Variants in ADAMTS16 observed in about 807,000 individuals in gnomAD.
ADAMTS16 encodes the protein A disintegrin and metalloproteinase with thrombospondin motifs 16.
A neutral mutation model predicts 145.8 loss-of-function variants in ADAMTS16; 94 were observed. That is an observed-to-expected ratio of 0.64 (90% CI 0.55 to 0.77). The LOEUF (loss-of-function observed/expected upper bound fraction) is 0.77. Ranked by LOEUF, ADAMTS16 falls within the 30% of genes least tolerant of loss-of-function variation. The pLI is 0.00. For missense variants in ADAMTS16, 1,585 were observed against 1,591.5 expected (o/e 1.00, Z 0.07); for synonymous variants, 659 against 604.3 (o/e 1.09, Z -1.33).
intron 17 of ADAMTS16, among the ~76,000 whole-genome samples, chr5:5,246,762 G>A (rs187631678): frequency 2.0e-3 from 312 of 152,270 alleles, no homozygotes; most frequent in Middle Eastern, 3.4e-3. Flanking sequence ...CGAGTACTTC[G>A]ATCCAGTGAT....
At chr5:5,283,766 C>T (rs1420819325) in intron 18 of ADAMTS16, among the ~76,000 whole-genome samples, 2 of 152,176 alleles carry the variant, frequency 1.3e-5, no homozygotes, top group African/African-American at 4.8e-5. Flanking sequence ...GCAGTCATGA[C>T]TTTATATTTG....
intron 18 of ADAMTS16, among the ~76,000 whole-genome samples, chr5:5,263,879 T>G (rs574298909): frequency 1.3e-5 from 2 of 152,244 alleles, no homozygotes; most frequent in African/African-American, 4.8e-5. Context: ...CCCGAGCTCT[T>G]GTCCACCATC....
chr5:5,301,162 C>G (rs577725837), intron 18 of ADAMTS16, among the ~76,000 whole-genome samples: 3 of 152,160 alleles, frequency 2.0e-5, no homozygotes, highest in Non-Finnish European at 4.4e-5. Flanking sequence ...GCCTTGACTT[C>G]CTGGGCTCAA....
chr5:5,145,978 TTGAA>T, intron 2 of ADAMTS16, 148 bp from the exon 3 acceptor site: 1 of 667,792 alleles, frequency 1.5e-6, no homozygotes, highest in South Asian at 2.0e-5. Context: ...ATTGCACACT[TTGAA>T]TTCAGTATGG....
At chr5:5,213,831 C>T (rs1736341425) in intron 10 of ADAMTS16, among the ~76,000 whole-genome samples, 2 of 152,176 alleles carry the variant, frequency 1.3e-5, no homozygotes, top group African/African-American at 2.4e-5. Flanking sequence ...CAGCTGTGGT[C>T]CTCTGCTAGG....
At chr5:5,315,450 C>CG (rs777572767) in intron 21 of ADAMTS16, among the ~76,000 whole-genome samples, 3 of 147,350 alleles carry the variant, frequency 2.0e-5, no homozygotes, top group Non-Finnish European at 4.5e-5. Context: ...TTAAATGATA[C>CG]AAAAAAAAAA....
At chr5:5,234,546 G>A (rs1474147870) in intron 12 of ADAMTS16, among the ~76,000 whole-genome samples, 1 of 152,144 alleles carries the variant, frequency 6.6e-6, no homozygotes, top group African/African-American at 2.4e-5. Flanking sequence ...CTTACCATTC[G>A]TGTGTAAGAA....
chr5:5,254,546 G>A (rs1276833103), intron 17 of ADAMTS16, among the ~76,000 whole-genome samples: 1 of 151,970 alleles, frequency 6.6e-6, no homozygotes, highest in African/African-American at 2.4e-5. Context: ...CAAATATTCA[G>A]ATATATTGAT....
At chr5:5,290,914 G>C (rs1358875129) in intron 18 of ADAMTS16, among the ~76,000 whole-genome samples, 1 of 152,070 alleles carries the variant, frequency 6.6e-6, no homozygotes, top group African/African-American at 2.4e-5. Context: ...ACCTGTGCGG[G>C]CTCTTCGGGC....
intron 18 of ADAMTS16, among the ~76,000 whole-genome samples, chr5:5,292,026 G>A (rs1739342174): frequency 6.6e-6 from 1 of 152,168 alleles, no homozygotes; most frequent in African/African-American, 2.4e-5. Context: ...AAATTATAAA[G>A]CATAAATTCT....
intron 3 of ADAMTS16, among the ~76,000 whole-genome samples, chr5:5,168,931 C>T (rs568081918): frequency 8.6e-5 from 13 of 151,038 alleles, no homozygotes; most frequent in Non-Finnish European, 1.3e-4. Flanking sequence ...CCCTGAGCCC[C>T]GGATTCCTCT....
At chr5:5,149,000 C>T (rs183744660) in intron 3 of ADAMTS16, among the ~76,000 whole-genome samples, 17 of 152,236 alleles carry the variant, frequency 1.1e-4, no homozygotes, top group Admixed American at 1.1e-3. Flanking sequence ...AAAGTTAGAA[C>T]GTGATGCCCA....
intron 18 of ADAMTS16, among the ~76,000 whole-genome samples, chr5:5,286,172 C>G (rs146951458): frequency 6.6e-6 from 1 of 152,152 alleles, no homozygotes; most frequent in Admixed American, 6.5e-5. Flanking sequence ...TTCTCTACCC[C>G]CAACTCATTG....
intron 8 of ADAMTS16, among the ~76,000 whole-genome samples, chr5:5,195,608 T>C (rs16874994): frequency 0.16 from 23,816 of 152,180 alleles, 2,027 homozygotes; most frequent in Middle Eastern, 0.22. Flanking sequence ...ATTCCACTTA[T>C]ATAAAATAGG....
At chr5:5,301,160 T>G (rs1389646046) in intron 18 of ADAMTS16, among the ~76,000 whole-genome samples, 1 of 152,164 alleles carries the variant, frequency 6.6e-6, no homozygotes, top group East Asian at 1.9e-4. Context: ...CTGCCTTGAC[T>G]TCCTGGGCTC....
intron 3 of ADAMTS16, among the ~76,000 whole-genome samples, chr5:5,151,575 A>C (rs1020148805): frequency 4.0e-5 from 6 of 151,270 alleles, no homozygotes; most frequent in African/African-American, 1.5e-4. Context: ...ATATATATTT[A>C]AGGTGAAAAC....
At chr5:5,275,067 A>C (rs1738636737) in intron 18 of ADAMTS16, among the ~76,000 whole-genome samples, 1 of 152,232 alleles carries the variant, frequency 6.6e-6, no homozygotes, top group Non-Finnish European at 1.5e-5. Flanking sequence ...CAATTACTGC[A>C]AATGTGCTCA....
chr5:5,270,794 T>C (rs1415057630), intron 18 of ADAMTS16, among the ~76,000 whole-genome samples: 2 of 152,204 alleles, frequency 1.3e-5, no homozygotes, highest in African/African-American at 4.8e-5. Context: ...AGGAAACCCA[T>C]GTTCCGTTTC....
chr5:5,282,200 T>C (rs891660658), intron 18 of ADAMTS16, among the ~76,000 whole-genome samples: 5 of 152,226 alleles, frequency 3.3e-5, no homozygotes, highest in Admixed American at 6.5e-5. Context: ...GATTTGTGGC[T>C]GTTACACATT....
Sources: allele counts gnomAD v4.1 joint callset (sites outside exome capture counted in the v4.1 genomes callset), GRCh38; gene constraint gnomAD v4.1.1; transcripts MANE v1.5; gene names NCBI Gene and HGNC (gene_info 2026-07-23, HGNC 2026-07-21).